NRG1: variants seen among roughly 807,000 people sequenced by gnomAD.
NRG1 encodes the protein neuregulin 1, also known as pro-neuregulin-1, membrane-bound isoform.
In NRG1, 18 loss-of-function variants were observed where a neutral mutation model predicts 63.8. The observed-to-expected ratio is 0.28, with a 90% CI of 0.19 to 0.42. NRG1 has a LOEUF of 0.42. NRG1 is among the 10% of genes least tolerant of loss of function. The pLI, the probability that NRG1 is intolerant of heterozygous loss-of-function variation, is 1.00. For synonymous variants in NRG1, 302 were observed against 301.3 expected, an observed-to-expected ratio of 1.00 and a Z score of -0.02; for missense variants, 762 against 814.7, an observed-to-expected ratio of 0.94 and a Z score of 0.79.
intron 1 of NRG1, among the ~76,000 whole-genome samples, chr8:31,958,901 G>T (rs761262477): frequency 6.6e-6 from 1 of 152,126 alleles, no homozygotes; most frequent in African/African-American, 2.4e-5. Flanking sequence ...TGAGTATTTC[G>T]TTCCCTGCAA....
intron 1 of NRG1, among the ~76,000 whole-genome samples, chr8:31,952,007 C>T (rs1048353675): frequency 5.9e-5 from 9 of 152,212 alleles, no homozygotes; most frequent in South Asian, 2.1e-4. Context: ...AGCAAGAAAC[C>T]GACTGTCTTA....
chr8:31,968,455 G>C (rs1806734684), intron 1 of NRG1, among the ~76,000 whole-genome samples: 1 of 152,058 alleles, frequency 6.6e-6, no homozygotes, highest in Non-Finnish European at 1.5e-5. Flanking sequence ...CTTTATTTGT[G>C]TTTGATTTAT....
chr8:32,104,311 A>G (rs1292518219), intron 1 of NRG1, among the ~76,000 whole-genome samples: 2 of 152,150 alleles, frequency 1.3e-5, no homozygotes, highest in African/African-American at 4.8e-5. Flanking sequence ...ATATGGTATA[A>G]AAGATTTTAT....
In NRG1 at chr8:32,146,819, C is replaced by T. The variant is rs1023957494; in HGVS notation, c.38-449009C>T. 8.6e-5 allele frequency among the ~76,000 whole-genome samples: 13 copies of T among 151,814 alleles called. No individual in the cohort carries two copies. In the South Asian group the frequency reaches 1.2e-3, roughly 15 times the overall value. On this transcript the variant is annotated intron_variant, in intron 1 of 10. Coordinates refer to the NRG1 transcript ENST00000519301. ...ATGGTGTTATTTGCCACTCCTTCTA[C>T]GTATTAATTGGTGTAAGCTCTTAAG...
At chr8:31,747,267 C>T (rs954194530) in intron 1 of NRG1, among the ~76,000 whole-genome samples, 4 of 151,880 alleles carry the variant, frequency 2.6e-5, no homozygotes, top group Non-Finnish European at 5.9e-5. Flanking sequence ...TGTATCAAAG[C>T]ATCCCATGTA....
chr8:32,644,389 A>G (rs190139450), intron 5 of NRG1, among the ~76,000 whole-genome samples: 77 of 152,314 alleles, frequency 5.1e-4, no homozygotes, highest in Non-Finnish European at 5.7e-4. Flanking sequence ...CTCTAACCCC[A>G]TTCACACTTT....
intron 1 of NRG1, among the ~76,000 whole-genome samples, chr8:32,014,317 T>A (rs1815178254): frequency 1.3e-5 from 2 of 152,164 alleles, no homozygotes; most frequent in African/African-American, 4.8e-5. Context: ...TTGAAGCAAT[T>A]ATGAATGGGA....
At chr8:32,656,000 A>G (rs1464950932) in intron 5 of NRG1, among the ~76,000 whole-genome samples, 1 of 152,130 alleles carries the variant, frequency 6.6e-6, no homozygotes, top group Non-Finnish European at 1.5e-5. Context: ...CCTGATCTCA[A>G]AAGATGGGAA....
At chr8:31,969,654 T>G (rs929232920) in intron 1 of NRG1, among the ~76,000 whole-genome samples, 1 of 152,222 alleles carries the variant, frequency 6.6e-6, no homozygotes, top group African/African-American at 2.4e-5. Flanking sequence ...CATGTCCTTC[T>G]TGCACAGGTC....
chr8:31,676,180 G>A (rs1807675072), intron 1 of NRG1, among the ~76,000 whole-genome samples: 1 of 152,018 alleles, frequency 6.6e-6, no homozygotes, highest in East Asian at 1.9e-4. Flanking sequence ...TTAGAGAGTC[G>A]GGAGATCCTG....
chr8:32,222,651 C>T (rs901457996), intron 1 of NRG1, among the ~76,000 whole-genome samples: 15 of 152,138 alleles, frequency 9.9e-5, no homozygotes, highest in African/African-American at 2.7e-4. Flanking sequence ...CCATTAGCTA[C>T]GGAACCTTGA....
intron 1 of NRG1, among the ~76,000 whole-genome samples, chr8:32,582,106 A>ATTTTATTTTATTTTATTTTAT (rs367843449): frequency 2.1e-5 from 3 of 145,552 alleles, no homozygotes; most frequent in African/African-American, 7.7e-5. Context: ...GTTTTGTTTT[A>ATTTTATTTTATTTTATTTTAT]TTTATTTTTG....
intron 1 of NRG1, among the ~76,000 whole-genome samples, chr8:31,645,482 G>A (rs554751799): frequency 4.7e-4 from 72 of 152,178 alleles, no homozygotes; most frequent in Admixed American, 2.6e-4. Context: ...CTGGATTTTC[G>A]TCCCTAAATT....
chr8:31,876,030 A>AAAACAAACAAAC (rs4035778), intron 1 of NRG1, among the ~76,000 whole-genome samples: 2 of 149,506 alleles, frequency 1.3e-5, no homozygotes, highest in African/African-American at 2.5e-5. Flanking sequence ...TCTGTCCTAA[A>AAAACAAACAAAC]AAACAAACAA....
chr8:32,469,015 T>C (rs1242442991), intron 1 of NRG1, among the ~76,000 whole-genome samples: 1 of 152,098 alleles, frequency 6.6e-6, no homozygotes, highest in African/African-American at 2.4e-5. Flanking sequence ...TCAAAACCAA[T>C]AGGAATTAAG....
chr8:32,475,480 A>AAAAAAAAAT (rs1563515267), intron 1 of NRG1, among the ~76,000 whole-genome samples: 3 of 149,978 alleles, frequency 2.0e-5, no homozygotes, highest in African/African-American at 2.4e-5. Flanking sequence ...AAAAAAAAAA[A>AAAAAAAAAT]GTGCCTACTC....
intron 2 of NRG1, among the ~76,000 whole-genome samples, chr8:32,596,539 G>T (rs569696896): frequency 6.0e-5 from 9 of 150,666 alleles, no homozygotes; most frequent in African/African-American, 1.9e-4. Flanking sequence ...GGTGGAGGTT[G>T]CAGTAAGCCA....
intron 2 of NRG1, among the ~76,000 whole-genome samples, chr8:32,601,689 A>G (rs375926814): frequency 6.6e-6 from 1 of 151,910 alleles, no homozygotes; most frequent in Non-Finnish European, 1.5e-5. Context: ...GCCCTATTCA[A>G]TTCTGATCAC....
intron 7 of NRG1, among the ~76,000 whole-genome samples, chr8:32,745,009 A>G (rs1328516182): frequency 6.6e-6 from 1 of 152,214 alleles, no homozygotes; most frequent in East Asian, 1.9e-4. Context: ...TTTATGAACA[A>G]TATATGTAAT....
Sources: allele counts gnomAD v4.1 joint callset (sites outside exome capture counted in the v4.1 genomes callset), GRCh38; gene constraint gnomAD v4.1.1; transcripts MANE v1.5; gene names NCBI Gene and HGNC (gene_info 2026-07-23, HGNC 2026-07-21).